Variants in HTR2C observed in about 807,000 individuals in gnomAD.
HTR2C encodes 5-hydroxytryptamine receptor 2C.
A neutral mutation model predicts 21.0 loss-of-function variants in HTR2C; 5 were observed. The observed-to-expected ratio is 0.24, with a 90% CI of 0.12 to 0.50. The LOEUF (loss-of-function observed/expected upper bound fraction) is 0.50. Among genes scored for constraint, HTR2C ranks in the 20% least tolerant of loss-of-function variants. The probability of loss-of-function intolerance (pLI) is 0.98; values close to 1 mark genes in which losing one functional copy is unlikely to be tolerated. For synonymous variants in HTR2C, 150 were observed against 145.3 expected, an observed-to-expected ratio of 1.03 and a Z score of -0.23; for missense variants, 271 against 371.2, an observed-to-expected ratio of 0.73 and a Z score of 2.22.
At chrX:114,765,768 A>G (rs1444051517) in intron 4 of HTR2C, among the ~76,000 whole-genome samples, 1 of 111,759 alleles carries the variant, frequency 8.9e-6, no homozygotes, top group Non-Finnish European at 1.9e-5. Flanking sequence ...ACTTATTAGT[A>G]CTGTACATGG....
At chrX:114,823,177 G>T (rs1033845133) in intron 4 of HTR2C, among the ~76,000 whole-genome samples, 1 of 111,388 alleles carries the variant, frequency 9.0e-6, no homozygotes, top group African/African-American at 3.3e-5. Context: ...AAAATATCTT[G>T]GTACCTATAA....
At chrX:114,906,275 C>A (rs1194217604) in intron 5 of HTR2C, among the ~76,000 whole-genome samples, 1 of 111,973 alleles carries the variant, frequency 8.9e-6, no homozygotes, top group Non-Finnish European at 1.9e-5. Flanking sequence ...ATTCTTGGAA[C>A]TGGAAATCCA....
At chrX:114,870,094 TTA>T (rs373772293) in intron 5 of HTR2C, among the ~76,000 whole-genome samples, 1 of 6,647 alleles carries the variant, frequency 1.5e-4, no homozygotes, top group African/African-American at 4.8e-4. Context: ...ATTATTATTA[TTA>T]TTTTTTTTGA....
chrX:114,883,285 CATCT>C (rs1199993367), intron 5 of HTR2C, among the ~76,000 whole-genome samples: 6 of 110,440 alleles, frequency 5.4e-5, no homozygotes, highest in East Asian at 2.8e-4. Context: ...TCCATCCATC[CATCT>C]ATCTATCTGT....
chrX:114,592,891 G>A (rs1927689164), intron 1 of HTR2C, among the ~76,000 whole-genome samples: 1 of 111,950 alleles, frequency 8.9e-6, no homozygotes, highest in Non-Finnish European at 1.9e-5. Flanking sequence ...AGCTACCAAA[G>A]TAGCTGCTGA....
At chrX:114,618,766 G>C (rs1398453924) in intron 2 of HTR2C, among the ~76,000 whole-genome samples, 1 of 111,248 alleles carries the variant, frequency 9.0e-6, no homozygotes, top group Admixed American at 9.7e-5. Flanking sequence ...ATTTAAAAAT[G>C]ATTTTTTCCT....
At chrX:114,677,723 C>T (rs1271422393) in intron 2 of HTR2C, among the ~76,000 whole-genome samples, 1 of 111,247 alleles carries the variant, frequency 9.0e-6, no homozygotes, top group Non-Finnish European at 1.9e-5. Context: ...TGAGTATTGT[C>T]AATAAAGGAG....
chrX:114,764,778 A>G lies in HTR2C; in HGVS notation c.349+33171A>G, dbSNP rs368162035. 4.5e-5 allele frequency among the ~76,000 whole-genome samples: 5 copies of G among 111,800 alleles called. No homozygotes were observed. The East Asian group carries it at 8.5e-4, about 19-fold the overall frequency. On this transcript the variant is annotated intron_variant, in intron 4 of 5. Coordinates refer to ENST00000276198, the MANE Select transcript of HTR2C (RefSeq NM_000868.4). ...CTCTGTCTTCTCAAGAAAGATTAGA[A>G]TTCCCTCTGTAGTGTCCAGTTCTGG...
At chrX:114,703,672 C>T (rs1260893078) in intron 2 of HTR2C, among the ~76,000 whole-genome samples, 1 of 110,933 alleles carries the variant, frequency 9.0e-6, no homozygotes, top group Non-Finnish European at 1.9e-5. Flanking sequence ...AGAGCAAACA[C>T]ATTCAAAAGC....
intron 4 of HTR2C, among the ~76,000 whole-genome samples, chrX:114,818,884 A>C (rs1460590688): frequency 8.9e-6 from 1 of 111,853 alleles, no homozygotes; most frequent in Admixed American, 9.5e-5. Context: ...CAGTGTTTTT[A>C]TTTGTTAGTT....
intron 4 of HTR2C, among the ~76,000 whole-genome samples, chrX:114,812,753 C>A (rs375376685): frequency 1.7e-4 from 18 of 103,536 alleles, no homozygotes; most frequent in African/African-American, 6.1e-4. Context: ...AACAAACAAA[C>A]AAAAAAAAAA....
intron 3 of HTR2C, among the ~76,000 whole-genome samples, chrX:114,730,971 A>G (rs1285025146): frequency 1.8e-5 from 2 of 111,553 alleles, no homozygotes; most frequent in Admixed American, 1.9e-4. Context: ...AACTTTACTC[A>G]GTCTTCTCAT....
intron 2 of HTR2C, among the ~76,000 whole-genome samples, chrX:114,695,186 A>G (rs1556415717): frequency 8.9e-6 from 1 of 112,621 alleles, no homozygotes; most frequent in East Asian, 2.8e-4. Context: ...GAAATTTTAA[A>G]TAGATATGAT....
intron 2 of HTR2C, among the ~76,000 whole-genome samples, chrX:114,661,594 C>T (rs1469378468): frequency 9.1e-6 from 1 of 110,390 alleles, no homozygotes; most frequent in African/African-American, 3.3e-5. Context: ...TGGTCTCAAA[C>T]TCCTGACCTC....
At chrX:114,886,644 A>C (rs2071222216) in intron 5 of HTR2C, among the ~76,000 whole-genome samples, 1 of 110,965 alleles carries the variant, frequency 9.0e-6, no homozygotes, top group South Asian at 3.7e-4. Flanking sequence ...TTTCTGAAGT[A>C]TTATTTATCA....
At chrX:114,793,903 T>A (rs1203592196) in intron 4 of HTR2C, among the ~76,000 whole-genome samples, 1 of 108,858 alleles carries the variant, frequency 9.2e-6, no homozygotes, top group Admixed American at 9.9e-5. Flanking sequence ...AATAAAGGAG[T>A]CAGTATAGAG....
At chrX:114,588,445 C>T (rs1445374997) in intron 1 of HTR2C, among the ~76,000 whole-genome samples, 2 of 111,508 alleles carry the variant, frequency 1.8e-5, no homozygotes, top group African/African-American at 6.5e-5. Flanking sequence ...GTGCAACAGC[C>T]ACCATATATG....
chrX:114,625,989 G>C (rs1929353487), intron 2 of HTR2C, among the ~76,000 whole-genome samples: 1 of 111,188 alleles, frequency 9.0e-6, no homozygotes, highest in African/African-American at 3.3e-5. Flanking sequence ...AGTTTATTTT[G>C]GGGGAATGTT....
intron 1 of HTR2C, among the ~76,000 whole-genome samples, chrX:114,592,541 A>C (rs782531771): frequency 4.5e-5 from 5 of 111,821 alleles, no homozygotes; most frequent in Non-Finnish European, 9.4e-5. Context: ...TATTAAAAAA[A>C]CACTCTATCC....
Sources: allele counts gnomAD v4.1 joint callset (sites outside exome capture counted in the v4.1 genomes callset), GRCh38; gene constraint gnomAD v4.1.1; transcripts MANE v1.5; gene names NCBI Gene and HGNC (gene_info 2026-07-23, HGNC 2026-07-21).